NAPSA: variants seen among roughly 807,000 people sequenced by gnomAD.
The protein encoded by NAPSA is napsin A aspartic peptidase, also known as napsin-A.
Under a neutral mutation model 36.7 loss-of-function variants are expected in NAPSA, and 37 were observed. That is an observed-to-expected ratio of 1.01 (90% CI 0.78 to 1.33). The LOEUF is 1.33. Ranked by LOEUF, NAPSA falls within the 40% of genes most tolerant of loss-of-function variation. The probability of loss-of-function intolerance (pLI) is 0.00; values close to 1 mark genes in which losing one functional copy is unlikely to be tolerated. For synonymous variants in NAPSA, 222 were observed against 234.5 expected (o/e 0.95, Z 0.49); for missense variants, 532 against 543.8 (o/e 0.98, Z 0.21).
intron 7 of NAPSA, 186 bp from the exon 8 acceptor site, chr19:50,359,295 C>T (rs190253638): frequency 1.1e-5 from 9 of 849,604 alleles, no homozygotes; most frequent in Admixed American, 1.0e-4. Context: ...CTCCCTCCAC[C>T]CGGCCACCAT....
Position 50,359,737 on chromosome 19 carries a change from C to T in NAPSA, c.791+3G>A, listed in dbSNP as rs1014834075. ...TCCAGAGCCAGGAGACCAAGTCCCT[C>T]ACCGCTCCATGTGGATCTGCCAGTA... On this transcript the variant is annotated splice_donor_region_variant and intron_variant, in intron 6 of 8. Transcript: ENST00000253719. 8 of 1,614,228 alleles carry T rather than the reference C, an allele frequency of 5.0e-6. No individual in the cohort carries two copies. Among genetic ancestry groups the T allele is most frequent in the Non-Finnish European group, 4.2e-6 (5 of 1,180,046 alleles).
At position 50,359,308 on chromosome 19, in the gene NAPSA, G is replaced by C. The variant is rs180755650; in HGVS notation, c.936+195C>G. On this transcript the variant is annotated intron_variant, in intron 7 of 8. Transcript: ENST00000253719. ...GTCTCCCTCCACCCGGCCACCATCC[G>C]CAGAGTCGCAGTGTAGACACGTGGA... 2.6e-4 allele frequency: 221 copies of C among 863,672 alleles called. No homozygotes were observed. The African/African-American group carries it at 3.1e-3, about 12-fold the overall frequency. 53.5% of individuals were successfully genotyped at this position (863,672 alleles called of 1,614,324 possible).
intron 1 of NAPSA, 75 bp from the exon 2 acceptor site, chr19:50,362,388 A>G: frequency 7.2e-7 from 1 of 1,393,700 alleles, no homozygotes; most frequent in Non-Finnish European, 9.7e-7. Context: ...CAAATAGGAT[A>G]TGATGACAAA....
chr19:50,359,329 G>A (rs942143783), intron 7 of NAPSA, 174 bp downstream of exon 7: 11 of 930,284 alleles, frequency 1.2e-5, no homozygotes, highest in African/African-American at 3.3e-5. Context: ...GTGTAGACAC[G>A]TGGAAAGTGT....
At position 50,358,759 on chromosome 19, in the gene NAPSA, G is replaced by A. The variant is rs2123603387; in HGVS notation, c.1057C>T (p.Leu353Phe). 1 of 1,612,468 alleles carries A rather than the reference G, an allele frequency of 6.2e-7. No homozygotes were observed. The highest frequency in any genetic ancestry group is 8.5e-7 in the Non-Finnish European group (1 of 1,179,748). ...VIQTTRNGVR[L>F]CLSGFQALDV... ...AGGGCCTGGAAACCGGACAAGCAGAGGCGGACGCCATTTCGAGTAGTCTGC... is the reference window on the plus strand; with the variant it reads ...AGGGCCTGGAAACCGGACAAGCAGAAGCGGACGCCATTTCGAGTAGTCTGC... Residue 353 changes from leucine to phenylalanine, a missense_variant, in exon 9 of 9, where the codon CTC becomes TTC. By Grantham distance (22) the Leu-to-Phe change is conservative (BLOSUM62 0). Coordinates refer to ENST00000253719, the MANE Select transcript of NAPSA (RefSeq NM_004851.3).
intron 1 of NAPSA, among the ~76,000 whole-genome samples, chr19:50,363,289 A>C (rs77189747): frequency 6.6e-6 from 1 of 152,184 alleles, no homozygotes; most frequent in African/African-American, 2.4e-5. Context: ...AGAGAGGAGA[A>C]AAAGAGAGAT....
Position 50,359,805 on chromosome 19 carries a change from G to T in NAPSA, c.726C>A (p.His242Gln). 6.2e-7 allele frequency: 1 copy of T among 1,614,212 alleles called. No individual in the cohort carries two copies. Among genetic ancestry groups the T allele is most frequent in the South Asian group, 1.1e-5 (1 of 91,082 alleles). The change falls in exon 6 of 9, where the codon CAC becomes CAA. Residue 242 changes from histidine to glutamine, a missense_variant. His to Gln is a conservative substitution (Grantham distance 24, BLOSUM62 0). Coordinates refer to ENST00000253719, the MANE Select transcript of NAPSA (RefSeq NM_004851.3). ...GCACGAAGGTGAGGGGTGGGATGTA[G>T]TGTGCCGGGTCCGAGCCCCCCAGGA... ...ELVLGGSDPAHYIPPLTFVPV... is the reference protein window; with the variant it reads ...ELVLGGSDPAQYIPPLTFVPV...
rs762409893 is a variant in NAPSA at position 50,358,666 on chromosome 19, C to T, written c.1150G>A (p.Val384Ile). 3 of 1,613,256 alleles carry T rather than the reference C, an allele frequency of 1.9e-6. No individual in the cohort carries two copies. Among genetic ancestry groups the T allele is most frequent in the Admixed American group, 1.7e-5 (1 of 59,994 alleles). Residue 384 changes from valine (V) to isoleucine (I), a missense_variant, in exon 9 of 9, where the codon GTC (valine) becomes ATC (isoleucine). Val to Ile is a conservative substitution (Grantham distance 29, BLOSUM62 3). Coordinates refer to ENST00000253719, the MANE Select transcript of NAPSA (RefSeq NM_004851.3). ...CTCTTCATGTCCCCGCGGTCGAAGA[C>T]GGCCACATACGTCCCCAAGAAGACG... is the stretch of plus-strand genomic sequence containing the variant. ...GDVFLGTYVA[V>I]FDRGDMKSSA...
chr19:50,361,827 A>G (rs754526185), intron 3 of NAPSA, 46 bp from the exon 4 acceptor site: 1 of 1,592,214 alleles, frequency 6.3e-7, no homozygotes. Flanking sequence ...GAATCTCCCC[A>G]GTGCCTACTG....
Position 50,365,554 on chromosome 19 carries a change from C to A in NAPSA, c.68G>T (p.Gly23Val), listed in dbSNP as rs1264550885. 5 of 1,613,514 alleles carry A rather than the reference C, an allele frequency of 3.1e-6. No homozygotes were observed. In the Admixed American group the frequency reaches 8.3e-5, roughly 27 times the overall value. Residue 23 changes from glycine to valine, a missense_variant, in exon 1 of 9, where the codon GGG (glycine) becomes GTG (valine). By Grantham distance (109) the Gly-to-Val change is moderately radical. Around this residue, in one of 3 missense-constraint regions of NAPSA, gnomAD observed 102 missense variants for 93.6 expected, o/e 1.09. Coordinates refer to ENST00000253719, the MANE Select transcript of NAPSA (RefSeq NM_004851.3). ...LLPLLNVEPS[G>V]ATLIRIPLHR... ...GTCACCATACCGGATCAGTGTGGCCCCGGAAGGCTCCACATTCAGCAGAGG... is the reference window on the plus strand; with the variant it reads ...GTCACCATACCGGATCAGTGTGGCCACGGAAGGCTCCACATTCAGCAGAGG...
intron 1 of NAPSA, 100 bp from the exon 2 acceptor site, chr19:50,362,413 G>T: frequency 8.7e-7 from 1 of 1,152,498 alleles, no homozygotes; most frequent in Admixed American, 2.7e-5. Flanking sequence ...ACATCTCCAA[G>T]GCACTACAAT....
At chr19:50,361,323 T>G in intron 4 of NAPSA, 183 bp from the exon 5 acceptor site, 1 of 606,384 alleles carries the variant, frequency 1.6e-6, no homozygotes, top group Non-Finnish European at 2.9e-6. Context: ...TTTCTTCTCC[T>G]TGAGAAGCCC....
intron 5 of NAPSA, among the ~76,000 whole-genome samples, chr19:50,360,486 T>C (rs1219217297): frequency 6.6e-6 from 1 of 152,168 alleles, no homozygotes; most frequent in Non-Finnish European, 1.5e-5. Flanking sequence ...GTGGGACTTC[T>C]GAGCATAATA....
intron 5 of NAPSA, 145 bp downstream of exon 5, chr19:50,360,796 A>G: frequency 1.3e-6 from 1 of 771,930 alleles, no homozygotes; most frequent in Non-Finnish European, 2.1e-6. Flanking sequence ...AACTTCTTGT[A>G]TTGAATGGCT....
In NAPSA at chr19:50,365,011, A is replaced by AAT. The variant is rs1555784614; in HGVS notation, c.83+527_83+528insAT. Reference sequence around the variant, plus strand: ...TGTCTCAAATAATAATAATAATAATAAATAATAATAATAATAATAATAATA... The same window carrying AAT: ...TGTCTCAAATAATAATAATAATAATAATAATAATAATAATAATAATAATAATA... On this transcript the variant is annotated intron_variant, in intron 1 of 8. Transcript: ENST00000253719. Among the ~76,000 whole-genome samples, 935 of 140,574 alleles carry AAT rather than the reference A, an allele frequency of 6.7e-3. 16 individuals are homozygous for AAT. Among genetic ancestry groups the AAT allele is most frequent in the African/African-American group, 0.024 (893 of 37,506 alleles). 92.2% of individuals were successfully genotyped at this position (140,574 alleles called of 152,430 possible). A position where few individuals can be genotyped will look rare whatever the true frequency, so the allele number is the denominator to read the frequency against.
rs1185188388 is a variant in NAPSA at position 50,360,929 on chromosome 19, A to G, written c.668+12T>C. 6.2e-7 allele frequency: 1 copy of G among 1,611,942 alleles called. No individual in the cohort carries two copies. The highest frequency in any genetic ancestry group is 2.2e-5 in the East Asian group (1 of 44,822). ...GGATAGGACTCATAGATAGGTGCACACTTCCCAGTACCTGTTGAGGTAAAA... is the reference window on the plus strand; with the variant it reads ...GGATAGGACTCATAGATAGGTGCACGCTTCCCAGTACCTGTTGAGGTAAAA... On this transcript the variant is annotated intron_variant, in intron 5 of 8. Coordinates refer to ENST00000253719, the MANE Select transcript of NAPSA (RefSeq NM_004851.3).
chr19:50,358,874 G>T, intron 8 of NAPSA, 94 bp from the exon 9 acceptor site: 2 of 1,362,994 alleles, frequency 1.5e-6, no homozygotes, highest in East Asian at 2.4e-5. Context: ...CGGGTTCTTT[G>T]ATGTTCGCCA....
chr19:50,364,193 C>G (rs896137109), intron 1 of NAPSA, among the ~76,000 whole-genome samples: 5 of 151,862 alleles, frequency 3.3e-5, no homozygotes, highest in South Asian at 4.2e-4. Context: ...TGGTGACTCA[C>G]GCCTGTAATC....
chr19:50,365,625 TG>T lies in NAPSA; in HGVS notation c.-5del. 1.2e-6 allele frequency: 2 copies of T among 1,604,592 alleles called. No homozygotes were observed. Among genetic ancestry groups the T allele is most frequent in the Non-Finnish European group, 8.5e-7 (1 of 1,175,616 alleles). On this transcript the variant is annotated 5_prime_UTR_variant, in exon 1 of 9. Transcript: ENST00000253719. ...GCAGCAGCGGTGGTGGAGACATCGC[TG>T]GGGACCTGGGTGTGAACCCAGGTGT... is the stretch of plus-strand genomic sequence containing the variant.
Sources: gnomAD v4.1 joint callset for allele counts (sites outside exome capture counted in the v4.1 genomes callset) on GRCh38, gnomAD v4.1.1 for gene constraint, gnomAD v4.1.1 regional missense constraint, MANE v1.5 for transcripts, NCBI Gene and HGNC (gene_info 2026-07-23, HGNC 2026-07-21) for gene names.